Variants in BAHCC1 observed in about 807,000 individuals in gnomAD.
BAHCC1 encodes BAH and coiled-coil domain-containing protein 1.
BAHCC1 carries 43 observed loss-of-function variants against 88.2 expected under a neutral mutation model. That is an observed-to-expected ratio of 0.49 (90% CI 0.38 to 0.63). BAHCC1 has a LOEUF of 0.63. Ranked by LOEUF, BAHCC1 falls within the 20% of genes least tolerant of loss-of-function variation. The pLI is 0.00. For synonymous variants in BAHCC1, 1,510 were observed against 745.5 expected, an observed-to-expected ratio of 2.03 and a Z score of -16.71; for missense variants, 3,023 against 1,654.8, an observed-to-expected ratio of 1.83 and a Z score of -14.34.
In BAHCC1 at chr17:81,443,047, C is replaced by T; in HGVS notation, c.1698C>T (p.Arg566=). The change falls in exon 5 of 28, where the codon CGC becomes CGT. Residue 566 remains arginine (R), a synonymous_variant. Coordinates refer to ENST00000675386, the MANE Select transcript of BAHCC1 (RefSeq NM_001377448.1). ...EQGGIGAEAK[R]KSLELASLGY... is the part of the protein sequence containing the mutation. ...GGGGCATTGGGGCTGAGGCCAAGCG[C>T]AAGTCCCTGGAGCTGGCATCCCTGG... The T allele has an allele frequency of 1.3e-6, 1 of 778,372 alleles. No homozygotes were observed. Among genetic ancestry groups the T allele is most frequent in the Non-Finnish European group, 2.4e-6 (1 of 417,672 alleles). 48.2% of individuals were successfully genotyped at this position (778,372 alleles called of 1,614,324 possible).
At chr17:81,425,225 T>TGATGTGGTTGGG (rs2064167419) in intron 2 of BAHCC1, among the ~76,000 whole-genome samples, 1 of 5,568 alleles carries the variant, frequency 1.8e-4, no homozygotes, top group Non-Finnish European at 2.9e-4. Flanking sequence ...ATGTGGTTGG[T>TGATGTGGTTGGG]GGTGATGTGG....
rs782435675 is a variant in BAHCC1, at chr17:81,435,578, G to A, written c.359-2792G>A. 8.0e-5 allele frequency: 36 copies of A among 449,892 alleles called. No homozygotes were observed. In the East Asian group the frequency reaches 1.1e-3, roughly 14 times the overall value. 27.9% of individuals were successfully genotyped at this position (449,892 alleles called of 1,614,324 possible). A position where few individuals can be genotyped will look rare whatever the true frequency, so the allele number is the denominator to read the frequency against. On this transcript the variant is annotated intron_variant, in intron 3 of 27. Transcript: ENST00000675386. This position sits in a 1 kb window ranked among gnomAD's most constrained non-coding sequence, Gnocchi z 4.4. ...TGGGAAGGGGAGGTTCTGGAGCCCC[G>A]ACGTTCTAGCAGGAGCTTGCAGTTG...
intron 13 of BAHCC1, among the ~76,000 whole-genome samples, chr17:81,452,444 G>A (rs1196335185): frequency 6.6e-6 from 1 of 151,670 alleles, no homozygotes; most frequent in Admixed American, 6.6e-5. Context: ...GTGGGGCCAG[G>A]GCAGAAGTTG....
At chr17:81,403,443 T>C (rs1420459228) in intron 2 of BAHCC1, among the ~76,000 whole-genome samples, 1 of 151,040 alleles carries the variant, frequency 6.6e-6, no homozygotes, top group Non-Finnish European at 1.5e-5. Flanking sequence ...TGCAAACTAC[T>C]TCTTTCCTGC....
At position 81,459,502 on chromosome 17, in the gene BAHCC1, G is replaced by C. The variant is rs1555658531; in HGVS notation, c.5803G>C (p.Asp1935His). ...GTCGCCCGCGTTCCTGCAGGTTCTC[G>C]ATGTGCGGCCACAGTCCAGCCGGTA... Reference protein sequence around the residue: ...LEQLLQEAVLDVRPQSSRYLP... With the variant: ...LEQLLQEAVLHVRPQSSRYLP... The change falls in exon 23 of 28, where the codon GAT becomes CAT. Residue 1935 changes from aspartate (D) to histidine (H), a missense_variant. Asp to His is a moderately conservative substitution (Grantham distance 81, BLOSUM62 -1). Transcript: ENST00000675386. 1 of 779,328 alleles carries C rather than the reference G, an allele frequency of 1.3e-6. No homozygotes were observed. Among genetic ancestry groups the C allele is most frequent in the Middle Eastern group, 2.3e-4 (1 of 4,442 alleles). 48.3% of individuals were successfully genotyped at this position (779,328 alleles called of 1,614,324 possible).
At chr17:81,406,874 C>G (rs1555646990) in intron 2 of BAHCC1, 2 of 456,288 alleles carry the variant, frequency 4.4e-6, no homozygotes, top group East Asian at 1.4e-4. Flanking sequence ...AAGCTGGGAG[C>G]CAGCCGGGCT....
chr17:81,419,588 C>G (rs1555649315), intron 2 of BAHCC1, among the ~76,000 whole-genome samples: 1 of 151,800 alleles, frequency 6.6e-6, no homozygotes, highest in Admixed American at 6.6e-5. Flanking sequence ...GGAGCGGAAG[C>G]CAGTGCCGAG....
At chr17:81,438,099 T>G (rs2064360564) in intron 3 of BAHCC1, among the ~76,000 whole-genome samples, 1 of 152,236 alleles carries the variant, frequency 6.6e-6, no homozygotes, top group Admixed American at 6.5e-5. Flanking sequence ...TCCTGAGTGC[T>G]GCTAGGAGGG....
At chr17:81,418,796 C>CGTGTGTGTGTGTGCGCGCAT (rs539655672) in intron 2 of BAHCC1, among the ~76,000 whole-genome samples, 92,385 of 144,460 alleles carry the variant, frequency 0.64, 30,845 homozygotes, top group East Asian at 0.81. Flanking sequence ...TACGTGTGTG[C>CGTGTGTGTGTGTGCGCGCAT]GTGTGTGTGT....
chr17:81,442,629 G>C lies in BAHCC1; in HGVS notation c.1280G>C (p.Gly427Ala). 1 of 776,740 alleles carries C rather than the reference G, an allele frequency of 1.3e-6. No individual in the cohort carries two copies. Among genetic ancestry groups the C allele is most frequent in the Non-Finnish European group, 2.4e-6 (1 of 416,616 alleles). The allele number at this position is 776,740 out of a possible 1,614,324, so 48.1% of individuals were successfully genotyped here. A position where few individuals can be genotyped will look rare whatever the true frequency, so the allele number is the denominator to read the frequency against. ...AGEGKDRHLE[G>A]TMAPDHAAPY... The stretch of plus-strand genomic sequence containing the variant: ...GAGGGCAAGGACCGGCACCTGGAGG[G>C]AACCATGGCCCCCGACCACGCTGCA... Residue 427 changes from glycine to alanine, a missense_variant, in exon 5 of 28, where the codon GGA becomes GCA. Physicochemically the swap from Gly to Ala is moderately conservative, Grantham distance 60. Coordinates refer to ENST00000675386, the MANE Select transcript of BAHCC1 (RefSeq NM_001377448.1).
Position 81,458,831 on chromosome 17 carries a change from A to G in BAHCC1, c.5467A>G (p.Ser1823Gly), listed in dbSNP as rs782662459. ...AGKQGKGRAV[S>G]RLLESFAVEE... ...CCCCCAGGGCAAGGGCCGGGCCGTG[A>G]GCCGCCTGCTGGAAAGCTTCGCCGT... Residue 1823 changes from serine (S) to glycine (G), a missense_variant, in exon 20 of 28, where the codon AGC becomes GGC. Transcript: ENST00000675386. The G allele has an allele frequency of 3.0e-5, 23 of 765,778 alleles. No individual in the cohort carries two copies. The highest frequency in any genetic ancestry group is 5.4e-5 in the Non-Finnish European group (22 of 408,016). 47.4% of individuals were successfully genotyped at this position (765,778 alleles called of 1,614,324 possible).
chr17:81,398,516 G>A (rs2063769105), intron 1 of BAHCC1, among the ~76,000 whole-genome samples: 1 of 152,236 alleles, frequency 6.6e-6, no homozygotes, highest in African/African-American at 2.4e-5. Flanking sequence ...GCGGAGACCG[G>A]CCTCTGCTCG....
At chr17:81,404,070 G>C (rs1010981495) in intron 2 of BAHCC1, among the ~76,000 whole-genome samples, 2 of 152,120 alleles carry the variant, frequency 1.3e-5, no homozygotes, top group Non-Finnish European at 2.9e-5. Context: ...AACGTTCCCC[G>C]GTTATTCTTA....
chr17:81,444,634 G>T (rs1555653808), intron 7 of BAHCC1, 34 bp from the exon 8 acceptor site: 1 of 764,910 alleles, frequency 1.3e-6, no homozygotes, highest in Non-Finnish European at 2.4e-6. Context: ...CCCCGAGAGT[G>T]CGAGGCCTGA....
chr17:81,452,640 C>T (rs533358264), intron 13 of BAHCC1, 83 bp from the exon 14 acceptor site: 55 of 602,494 alleles, frequency 9.1e-5, no homozygotes, highest in African/African-American at 5.9e-4. Flanking sequence ...CAGTAGCCCT[C>T]GAAGGCCAAT....
intron 3 of BAHCC1, among the ~76,000 whole-genome samples, chr17:81,431,097 G>A (rs1224229656): frequency 0.049 from 7,358 of 150,328 alleles, 280 homozygotes; most frequent in Middle Eastern, 0.12. Flanking sequence ...CAGCGTGGGG[G>A]TGGAGGGGCT....
At position 81,446,236 on chromosome 17, in the gene BAHCC1, A is replaced by T. The variant is rs558802798; in HGVS notation, c.3163+555A>T. Among the ~76,000 whole-genome samples, 8 of 152,214 alleles carry T rather than the reference A, an allele frequency of 5.3e-5. No individual in the cohort carries two copies. In the South Asian group the frequency reaches 1.7e-3, roughly 32 times the overall value. Reference sequence around the variant, plus strand: ...AACCCGTCCTAGTTTCACAGTCAGGAGATGGAGCTAGCAGAGGGTTTTTCC... The same window carrying T: ...AACCCGTCCTAGTTTCACAGTCAGGTGATGGAGCTAGCAGAGGGTTTTTCC... On this transcript the variant is annotated intron_variant, in intron 10 of 27. Transcript: ENST00000675386.
rs560751046 is a variant in BAHCC1 at position 81,442,753 on chromosome 17, C to T, written c.1404C>T (p.Leu468=). Residue 468 remains leucine (L), a synonymous_variant, in exon 5 of 28, where the codon CTC becomes CTT. Coordinates refer to ENST00000675386, the MANE Select transcript of BAHCC1 (RefSeq NM_001377448.1). ...CCCTCAACCCCCGGCTAAAGGGCCT[C>T]GACTATCTCAGCAGCGCAGGCCCCG... ...EAALNPRLKG[L]DYLSSAGPEA... 8 of 779,012 alleles carry T rather than the reference C, an allele frequency of 1.0e-5. No individual in the cohort carries two copies. The highest frequency in any genetic ancestry group is 3.4e-5 in the Admixed American group (2 of 58,966). 48.3% of individuals were successfully genotyped at this position (779,012 alleles called of 1,614,324 possible).
chr17:81,446,459 G>A (rs912477136), intron 10 of BAHCC1, among the ~76,000 whole-genome samples: 1 of 149,372 alleles, frequency 6.7e-6, no homozygotes, highest in East Asian at 2.0e-4. Context: ...CGGCAGCCAG[G>A]GTTGTTGGGG....
Sources: allele counts gnomAD v4.1 joint callset (sites outside exome capture counted in the v4.1 genomes callset), GRCh38; gene constraint gnomAD v4.1.1; non-coding constraint Gnocchi (gnomAD v3.1); transcripts MANE v1.5; gene names NCBI Gene and HGNC (gene_info 2026-07-23, HGNC 2026-07-21).